CFAP61: variants seen among roughly 807,000 people sequenced by gnomAD.
The protein encoded by CFAP61 is cilia- and flagella-associated protein 61.
Under a neutral mutation model 135.6 loss-of-function variants are expected in CFAP61, and 107 were observed. That is an observed-to-expected ratio of 0.79 (90% CI 0.67 to 0.93). CFAP61 has a LOEUF of 0.93. Among genes scored for constraint, CFAP61 ranks in the 40% least tolerant of loss-of-function variants. CFAP61 has a pLI of 0.00. For synonymous variants in CFAP61, 575 were observed against 578.5 expected, an observed-to-expected ratio of 0.99 and a Z score of 0.09; for missense variants, 1,507 against 1,556.2, an observed-to-expected ratio of 0.97 and a Z score of 0.53.
At chr20:20,254,897 G>A (rs114871239) in intron 20 of CFAP61, among the ~76,000 whole-genome samples, 2,164 of 152,280 alleles carry the variant, frequency 0.014, 54 homozygotes, top group African/African-American at 0.049. Context: ...CATGCACAAG[G>A]TAAAATACTA....
At chr20:20,191,619 T>C (rs2055926926) in intron 15 of CFAP61, among the ~76,000 whole-genome samples, 200 bp downstream of exon 15, 1 of 152,168 alleles carries the variant, frequency 6.6e-6, no homozygotes, top group Admixed American at 6.5e-5. Flanking sequence ...GAATATTTAA[T>C]ATATTACAAA....
intron 17 of CFAP61, among the ~76,000 whole-genome samples, chr20:20,214,101 T>A (rs1022689257): frequency 1.3e-5 from 2 of 152,148 alleles, no homozygotes; most frequent in Non-Finnish European, 2.9e-5. Flanking sequence ...CTAGGAAATA[T>A]TTGAATTAAT....
rs371996568 is a variant in CFAP61 at position 20,056,781 on chromosome 20, A to G, written c.128A>G (p.Asn43Ser). Reference sequence around the variant, plus strand: ...ACCTGCAAGCTGTTTGGGAAGCTAAATATCATCTATCTTCTGTAAGTAGAT... The same window carrying G: ...ACCTGCAAGCTGTTTGGGAAGCTAAGTATCATCTATCTTCTGTAAGTAGAT... ...KFTCKLFGKLNIIYLLEKANL... is the reference protein window; with the variant it reads ...KFTCKLFGKLSIIYLLEKANL... Residue 43 changes from asparagine to serine, a missense_variant, in exon 2 of 27, where the codon AAT (asparagine) becomes AGT (serine). By Grantham distance (46) the Asn-to-Ser change is conservative. Transcript: ENST00000245957. The G allele has an allele frequency of 2.4e-5, 38 of 1,614,014 alleles. No homozygotes were observed. Among genetic ancestry groups the G allele is most frequent in the Non-Finnish European group, 3.1e-5 (37 of 1,179,984 alleles).
intron 25 of CFAP61, among the ~76,000 whole-genome samples, chr20:20,341,121 C>T (rs1209158712): frequency 1.3e-5 from 2 of 152,136 alleles, no homozygotes; most frequent in South Asian, 4.2e-4. Context: ...AAAGCCCACC[C>T]GAGCGACGTG....
At chr20:20,124,791 T>C (rs973992533) in intron 8 of CFAP61, among the ~76,000 whole-genome samples, 1 of 151,818 alleles carries the variant, frequency 6.6e-6, no homozygotes, top group African/African-American at 2.4e-5. Flanking sequence ...GTCAGAAAGA[T>C]TGGTACCAAT....
At position 20,164,053 on chromosome 20, in the gene CFAP61, A is replaced by G. The variant is rs547400972; in HGVS notation, c.1030A>G (p.Ile344Val). The change falls in exon 11 of 27, where the codon ATA becomes GTA. Residue 344 changes from isoleucine to valine, a missense_variant. Physicochemically the swap from Ile to Val is conservative, Grantham distance 29 (BLOSUM62 3). Transcript: ENST00000245957. The part of the protein sequence containing the change: ...QSGNVSEPED[I>V]EKLSDISTGY... ...TCCTCCTGTCTCCTTGCTCTAGGAC[A>G]TAGAAAAACTCAGTGACATCTCCAC... is the stretch of plus-strand genomic sequence containing the variant. 7 of 1,606,936 alleles carry G rather than the reference A, an allele frequency of 4.4e-6. No individual in the cohort carries two copies. Among genetic ancestry groups the G allele is most frequent in the South Asian group, 2.2e-5 (2 of 89,824 alleles).
chr20:20,245,549 CGTG>C (rs2050382025), intron 18 of CFAP61, among the ~76,000 whole-genome samples: 3 of 152,132 alleles, frequency 2.0e-5, no homozygotes, highest in Non-Finnish European at 2.9e-5. Flanking sequence ...TCCCACAACA[CGTG>C]GGAATTATGG....
intron 15 of CFAP61, among the ~76,000 whole-genome samples, chr20:20,193,656 T>C (rs4814960): frequency 0.45 from 68,845 of 151,850 alleles, 16,079 homozygotes; most frequent in East Asian, 0.75. Context: ...CTCTATCCCC[T>C]AGGCTGGAGT....
chr20:20,300,544 G>A (rs1183844176), intron 25 of CFAP61, among the ~76,000 whole-genome samples: 1 of 151,906 alleles, frequency 6.6e-6, no homozygotes, highest in East Asian at 1.9e-4. Context: ...TTGTAAATAA[G>A]GACATAGATG....
intron 9 of CFAP61, among the ~76,000 whole-genome samples, chr20:20,156,290 A>G (rs1340889930): frequency 6.6e-6 from 1 of 152,354 alleles, no homozygotes; most frequent in East Asian, 1.9e-4. Context: ...CCATTTTAAC[A>G]AACTAAAAAA....
At chr20:20,136,027 T>C (rs2050894161) in intron 8 of CFAP61, among the ~76,000 whole-genome samples, 1 of 152,212 alleles carries the variant, frequency 6.6e-6, no homozygotes, top group South Asian at 2.1e-4. Context: ...TAAGAGTTTT[T>C]CTTCTTCAGC....
chr20:20,217,563 T>A (rs1336831528), intron 17 of CFAP61, among the ~76,000 whole-genome samples: 1 of 152,112 alleles, frequency 6.6e-6, no homozygotes, highest in Non-Finnish European at 1.5e-5. Flanking sequence ...CTCAGAAAAA[T>A]GAGTTTTCTG....
chr20:20,090,570 G>A (rs1478612013), intron 6 of CFAP61, among the ~76,000 whole-genome samples: 2 of 151,394 alleles, frequency 1.3e-5, no homozygotes, highest in Admixed American at 6.6e-5. Flanking sequence ...CATGCCTATA[G>A]TCCCACCTAC....
intron 8 of CFAP61, among the ~76,000 whole-genome samples, chr20:20,142,183 A>G (rs181598475): frequency 6.6e-6 from 1 of 152,306 alleles, no homozygotes; most frequent in African/African-American, 2.4e-5. Context: ...ATTTTTAGTA[A>G]AGGTTAAATA....
intron 19 of CFAP61, among the ~76,000 whole-genome samples, chr20:20,246,554 G>T (rs781536108): frequency 3.9e-5 from 6 of 152,188 alleles, no homozygotes; most frequent in Non-Finnish European, 7.3e-5. Context: ...ATCTGACAGG[G>T]CGCCTGGCTG....
intron 8 of CFAP61, among the ~76,000 whole-genome samples, chr20:20,141,411 C>A (rs1394623249): frequency 1.3e-5 from 2 of 152,162 alleles, no homozygotes; most frequent in Admixed American, 1.3e-4. Flanking sequence ...CTGCAGGGTG[C>A]AGGACATATC....
At chr20:20,247,970 T>C (rs2050597086) in intron 19 of CFAP61, among the ~76,000 whole-genome samples, 6 of 152,244 alleles carry the variant, frequency 3.9e-5, no homozygotes, top group Admixed American at 3.9e-4. Context: ...TATTTGCCTT[T>C]TGAAATAATG....
rs552573561 is a variant in CFAP61, at chr20:20,114,489, G to A, written c.859+15675G>A. Among the ~76,000 whole-genome samples, 8 of 152,088 alleles carry A rather than the reference G, an allele frequency of 5.3e-5. No individual in the cohort carries two copies. In the East Asian group the frequency reaches 7.7e-4, roughly 15 times the overall value. ...TTATAGATTTTTATAGAGAGGCTTC[G>A]CATATCTGTTGTTAGATTTATTCCT... On this transcript the variant is annotated intron_variant, in intron 8 of 26. Transcript: ENST00000245957.
chr20:20,298,779 C>T (rs191637793), intron 25 of CFAP61, among the ~76,000 whole-genome samples: 10 of 152,302 alleles, frequency 6.6e-5, no homozygotes, highest in Non-Finnish European at 1.0e-4. Context: ...GATCATGGGA[C>T]GGGGTGTTTG....
Sources: gnomAD v4.1 joint callset for allele counts (sites outside exome capture counted in the v4.1 genomes callset) on GRCh38, gnomAD v4.1.1 for gene constraint, MANE v1.5 for transcripts, NCBI Gene and HGNC (gene_info 2026-07-23, HGNC 2026-07-21) for gene names.